Variants in RHOBTB3 observed in about 807,000 individuals in gnomAD.
The protein encoded by RHOBTB3 is rho-related BTB domain-containing protein 3.
In RHOBTB3, 47 loss-of-function variants were observed where a neutral mutation model predicts 67.2. The observed-to-expected ratio is 0.70, with a 90% CI of 0.55 to 0.89. The LOEUF is 0.89. RHOBTB3 is among the 40% of genes least tolerant of loss of function. RHOBTB3 has a pLI of 0.00. For missense variants in RHOBTB3, 631 were observed against 750.0 expected (o/e 0.84, Z 1.85); for synonymous variants, 273 against 274.2 (o/e 1.00, Z 0.04).
intron 3 of RHOBTB3, among the ~76,000 whole-genome samples, chr5:95,743,693 C>G (rs1318442152): frequency 1.5e-5 from 2 of 136,616 alleles, no homozygotes; most frequent in Non-Finnish European, 3.1e-5. Flanking sequence ...CTCCTTCCCT[C>G]CCTTCTTCTC....
chr5:95,734,402 G>T (rs1474173764), intron 2 of RHOBTB3, among the ~76,000 whole-genome samples: 1 of 152,138 alleles, frequency 6.6e-6, no homozygotes, highest in East Asian at 1.9e-4. Flanking sequence ...GGGAGAATTT[G>T]ATTTTCTTCA....
intron 8 of RHOBTB3, among the ~76,000 whole-genome samples, chr5:95,771,129 A>G (rs1475325653): frequency 1.3e-5 from 2 of 152,220 alleles, no homozygotes; most frequent in African/African-American, 4.8e-5. Flanking sequence ...TACAAAGTAG[A>G]GGAATACCCA....
chr5:95,749,864 C>T (rs1745038940), intron 4 of RHOBTB3, among the ~76,000 whole-genome samples: 1 of 152,194 alleles, frequency 6.6e-6, no homozygotes. Flanking sequence ...GATCATTCTT[C>T]CCACTTTCCC....
chr5:95,751,471 A>C (rs922464797), intron 4 of RHOBTB3: 1 of 150,632 alleles, frequency 6.6e-6, no homozygotes, highest in Non-Finnish European at 1.5e-5. Context: ...CTAAAATTAA[A>C]AAAAAAAAAA....
intron 8 of RHOBTB3, among the ~76,000 whole-genome samples, chr5:95,773,311 C>G (rs576451738): frequency 6.6e-6 from 1 of 152,232 alleles, no homozygotes; most frequent in South Asian, 2.1e-4. Flanking sequence ...TGCTGTGGTG[C>G]TCTTCATTGC....
intron 3 of RHOBTB3, among the ~76,000 whole-genome samples, chr5:95,742,248 G>A (rs1755621930): frequency 6.6e-6 from 1 of 152,004 alleles, no homozygotes; most frequent in South Asian, 2.1e-4. Flanking sequence ...TTAAATTATG[G>A]GCACTGATGC....
intron 2 of RHOBTB3, chr5:95,732,409 G>A (rs2112769467): frequency 3.6e-6 from 2 of 549,098 alleles, no homozygotes; most frequent in East Asian, 5.8e-5. Context: ...AGTTTCATCA[G>A]CAAAAAGCAG....
chr5:95,776,453 ATTTAT>A (rs1246486997), intron 8 of RHOBTB3, among the ~76,000 whole-genome samples: 4 of 152,114 alleles, frequency 2.6e-5, no homozygotes, highest in Admixed American at 1.3e-4. Flanking sequence ...AAAAAATGTA[ATTTAT>A]TTTATAATTA....
At chr5:95,763,424 G>A (rs1745446800) in intron 6 of RHOBTB3, 84 bp from the exon 7 acceptor site, 4 of 777,210 alleles carry the variant, frequency 5.1e-6, no homozygotes, top group East Asian at 5.0e-5. Flanking sequence ...ACTAAAAAAA[G>A]GGAATGTTGT....
At chr5:95,769,763 T>C (rs1745653201) in intron 8 of RHOBTB3, 1 of 186,952 alleles carries the variant, frequency 5.3e-6, no homozygotes, top group African/African-American at 2.4e-5. Flanking sequence ...AGGATGCCTA[T>C]GTTCTGTTGA....
intron 8 of RHOBTB3, chr5:95,770,269 A>G: frequency 3.3e-6 from 1 of 300,976 alleles, no homozygotes; most frequent in Non-Finnish European, 6.8e-6. Context: ...AGACAGAGTT[A>G]CAGATGCCCT....
At chr5:95,771,451 G>T (rs922898082) in intron 8 of RHOBTB3, among the ~76,000 whole-genome samples, 2 of 152,186 alleles carry the variant, frequency 1.3e-5, no homozygotes, top group South Asian at 2.1e-4. Context: ...GCCACGGCCA[G>T]CCCTGTGTGC....
At chr5:95,778,037 T>C (rs943186201) in intron 8 of RHOBTB3, among the ~76,000 whole-genome samples, 2 of 151,968 alleles carry the variant, frequency 1.3e-5, no homozygotes, top group Admixed American at 1.3e-4. Flanking sequence ...CGAGAATCAT[T>C]TGAACCTGGG....
chr5:95,728,865 A>G (rs1485363316), upstream of RHOBTB3, among the ~76,000 whole-genome samples: 1 of 152,220 alleles, frequency 6.6e-6, no homozygotes, highest in African/African-American at 2.4e-5. Flanking sequence ...CAAAACCAAG[A>G]TGGTGGTGAC....
At chr5:95,764,767 CA>C (rs1347116433) in intron 7 of RHOBTB3, among the ~76,000 whole-genome samples, 1 of 151,906 alleles carries the variant, frequency 6.6e-6, no homozygotes, top group African/African-American at 2.4e-5. Flanking sequence ...TAATGTTTTA[CA>C]AAAATGAAAC....
rs906901633 is a variant in RHOBTB3, at chr5:95,794,753, A to G, written c.*1579A>G. ...CAAAAATTTGATTAAATGGTTTTAT[A>G]GTATAATATTGGGACCCCATACCGT... On this transcript the variant is annotated 3_prime_UTR_variant, in exon 12 of 12. Transcript: ENST00000379982. 3.1e-4 allele frequency: 47 copies of G among 152,240 alleles called. No individual in the cohort carries two copies. The highest frequency in any genetic ancestry group is 1.1e-3 in the African/African-American group (47 of 41,458). 9.4% of individuals were successfully genotyped at this position (152,240 alleles called of 1,614,324 possible).
At chr5:95,731,188 T>A (rs1287429462), upstream of RHOBTB3, 1 of 1,003,786 alleles carries the variant, frequency 1.0e-6, no homozygotes, top group Non-Finnish European at 1.2e-6. Flanking sequence ...CCACCGGAGC[T>A]CCCGGGGCCT....
At chr5:95,725,611 G>T (rs1389421204) in intron 1 of RHOBTB3, among the ~76,000 whole-genome samples, 1 of 152,090 alleles carries the variant, frequency 6.6e-6, no homozygotes, top group East Asian at 1.9e-4. Flanking sequence ...CACTTTTTTT[G>T]TGTGTTGTAT....
At chr5:95,732,330 C>T (rs980365392) in intron 2 of RHOBTB3, 11 of 598,446 alleles carry the variant, frequency 1.8e-5, no homozygotes, top group African/African-American at 1.1e-4. Context: ...GTACACTTCA[C>T]GACTGTGGGT....
Sources: allele counts gnomAD v4.1 joint callset (sites outside exome capture counted in the v4.1 genomes callset), GRCh38; gene constraint gnomAD v4.1.1; transcripts MANE v1.5; gene names NCBI Gene and HGNC (gene_info 2026-07-23, HGNC 2026-07-21).